The following TFAP2D variants were observed in gnomAD, a reference collection of about 807,000 sequenced individuals.
The protein encoded by TFAP2D is transcription factor AP-2-delta.
Under a neutral mutation model 43.6 loss-of-function variants are expected in TFAP2D, and 9 were observed. The ratio of observed to expected loss-of-function variants is 0.21; its 90% confidence interval spans 0.12 to 0.36. TFAP2D has a LOEUF of 0.36. Among genes scored for constraint, TFAP2D ranks in the 10% least tolerant of loss-of-function variants. TFAP2D has a pLI of 1.00. For synonymous variants in TFAP2D, 256 were observed against 224.9 expected, an observed-to-expected ratio of 1.14 and a Z score of -1.24; for missense variants, 513 against 561.4, an observed-to-expected ratio of 0.91 and a Z score of 0.87.
At chr6:50,751,100 G>A in intron 6 of TFAP2D, 111 bp from the exon 7 acceptor site, 1 of 733,472 alleles carries the variant, frequency 1.4e-6, no homozygotes, top group East Asian at 2.8e-5. Flanking sequence ...TTTATGAAAT[G>A]TTATCTAGAC....
intron 6 of TFAP2D, among the ~76,000 whole-genome samples, chr6:50,746,329 C>A (rs903541110): frequency 6.6e-6 from 1 of 152,008 alleles, no homozygotes; most frequent in Non-Finnish European, 1.5e-5. Context: ...CTCACCCTCC[C>A]CAGGTTCATG....
chr6:50,752,991 C>A (rs1176059330), intron 7 of TFAP2D, among the ~76,000 whole-genome samples: 1 of 151,826 alleles, frequency 6.6e-6, no homozygotes, highest in African/African-American at 2.4e-5. Context: ...GTAAAGGAAG[C>A]ATTTAGTAAA....
At chr6:50,716,799 T>A (rs896424975) in intron 2 of TFAP2D, among the ~76,000 whole-genome samples, 1 of 152,176 alleles carries the variant, frequency 6.6e-6, no homozygotes, top group Non-Finnish European at 1.5e-5. Context: ...TAGGGAAATA[T>A]TCTAAGAACA....
chr6:50,770,482 T>C (rs888238239), intron 7 of TFAP2D, among the ~76,000 whole-genome samples: 19 of 152,228 alleles, frequency 1.2e-4, no homozygotes, highest in African/African-American at 4.1e-4. Context: ...TAACAACCTA[T>C]GGAATAATGA....
rs759507061 is a variant in TFAP2D, at chr6:50,751,333, G to A, written c.1139+9G>A. 6.3e-7 allele frequency: 1 copy of A among 1,592,038 alleles called. No individual in the cohort carries two copies. The highest frequency in any genetic ancestry group is 8.6e-7 in the Non-Finnish European group (1 of 1,161,186). On this transcript the variant is annotated intron_variant, in intron 7 of 7. Transcript: ENST00000008391. ...CATTTAACACATTTCAGGTAAGACTGGTTTTCCAGTTTGCTCAAATTCTTT... is the reference window on the plus strand; with the variant it reads ...CATTTAACACATTTCAGGTAAGACTAGTTTTCCAGTTTGCTCAAATTCTTT...
chr6:50,734,823 C>T (rs1768941416), intron 5 of TFAP2D, among the ~76,000 whole-genome samples: 1 of 152,068 alleles, frequency 6.6e-6, no homozygotes, highest in African/African-American at 2.4e-5. Flanking sequence ...TGGTCTGGCA[C>T]CCATATCTAC....
intron 7 of TFAP2D, among the ~76,000 whole-genome samples, chr6:50,769,193 C>G (rs538464608): frequency 7.9e-5 from 12 of 152,116 alleles, no homozygotes; most frequent in Admixed American, 7.9e-4. Context: ...TGCGCCCAGC[C>G]CTGAAGTGGT....
chr6:50,738,332 G>C (rs1281109289), intron 5 of TFAP2D, among the ~76,000 whole-genome samples: 1 of 134,636 alleles, frequency 7.4e-6, no homozygotes, highest in African/African-American at 2.5e-5. Flanking sequence ...TGGCTGTTAT[G>C]GGTTTTTGTT....
intron 5 of TFAP2D, among the ~76,000 whole-genome samples, chr6:50,730,256 TAG>T (rs1337060067): frequency 6.6e-6 from 1 of 152,104 alleles, no homozygotes; most frequent in Non-Finnish European, 1.5e-5. Flanking sequence ...CACTGAGAAG[TAG>T]TGTGTTCTTG....
intron 7 of TFAP2D, among the ~76,000 whole-genome samples, chr6:50,766,654 CTT>C (rs763018088): frequency 2.6e-4 from 15 of 57,388 alleles, no homozygotes; most frequent in African/African-American, 7.2e-4. Context: ...AGATTGCTTT[CTT>C]TTTTTTTTTT....
At chr6:50,734,505 A>G (rs1561934795) in intron 5 of TFAP2D, among the ~76,000 whole-genome samples, 2 of 152,042 alleles carry the variant, frequency 1.3e-5, no homozygotes, top group Non-Finnish European at 2.9e-5. Flanking sequence ...TTTTATTGTC[A>G]GTGTCTCATT....
intron 3 of TFAP2D, among the ~76,000 whole-genome samples, chr6:50,719,518 C>T (rs1690744952): frequency 6.7e-6 from 1 of 149,042 alleles, no homozygotes; most frequent in Non-Finnish European, 1.5e-5. Flanking sequence ...CTCACACCCT[C>T]TTCCCCCAGC....
intron 7 of TFAP2D, among the ~76,000 whole-genome samples, chr6:50,766,746 G>A (rs1214551266): frequency 1.5e-5 from 2 of 132,740 alleles, no homozygotes; most frequent in South Asian, 2.5e-4. Context: ...TCGGCTCACT[G>A]CAAGCTCCGC....
At chr6:50,733,267 C>A (rs1768918052) in intron 5 of TFAP2D, among the ~76,000 whole-genome samples, 2 of 151,980 alleles carry the variant, frequency 1.3e-5, no homozygotes, top group African/African-American at 4.8e-5. Flanking sequence ...ATTTCTTTTT[C>A]AACTCATATG....
intron 3 of TFAP2D, 139 bp downstream of exon 3, chr6:50,719,289 C>T: frequency 1.1e-6 from 1 of 874,876 alleles, no homozygotes; most frequent in Non-Finnish European, 1.8e-6. Flanking sequence ...TCTAGTCCAA[C>T]ACTGGCATAT....
At position 50,715,562 on chromosome 6, in the gene TFAP2D, C is replaced by G; in HGVS notation, c.486C>G (p.Leu162=). The G allele has an allele frequency of 6.2e-7, 1 of 1,608,358 alleles. No individual in the cohort carries two copies. The highest frequency in any genetic ancestry group is 8.5e-7 in the Non-Finnish European group (1 of 1,177,858). ...SQYGMHPDQR[L]LPGPSLGLAA... is the part of the protein sequence containing the mutation. Reference sequence around the variant, plus strand: ...ATGGAATGCACCCAGATCAAAGACTCCTGCCAGGGCCCAGCCTGGGGCTGG... The same window carrying G: ...ATGGAATGCACCCAGATCAAAGACTGCTGCCAGGGCCCAGCCTGGGGCTGG... Residue 162 remains leucine, a synonymous_variant, in exon 2 of 8, where the codon CTC becomes CTG. Coordinates refer to ENST00000008391, the MANE Select transcript of TFAP2D (RefSeq NM_172238.4).
chr6:50,726,677 C>A (rs529667922), intron 3 of TFAP2D, among the ~76,000 whole-genome samples: 1 of 152,220 alleles, frequency 6.6e-6, no homozygotes, highest in South Asian at 2.1e-4. Context: ...GACTCTACAC[C>A]ACAGATTCAT....
chr6:50,730,140 C>A (rs182895075), intron 5 of TFAP2D, among the ~76,000 whole-genome samples: 1 of 152,234 alleles, frequency 6.6e-6, no homozygotes, highest in African/African-American at 2.4e-5. Flanking sequence ...TTACTTCATA[C>A]ATCCATTATT....
At position 50,772,640 on chromosome 6, in the gene TFAP2D, T is replaced by C. The variant is rs1425184913; in HGVS notation, c.1140-5T>C. ...CTCTTTTTTCCTATCACTTCTCATTTCCAGTTTGATCACTCATGGCTTTGG... is the reference window on the plus strand; with the variant it reads ...CTCTTTTTTCCTATCACTTCTCATTCCCAGTTTGATCACTCATGGCTTTGG... On this transcript the variant is annotated splice_region_variant and splice_polypyrimidine_tract_variant and intron_variant, in intron 7 of 7. Coordinates refer to ENST00000008391, the MANE Select transcript of TFAP2D (RefSeq NM_172238.4). The C allele has an allele frequency of 1.2e-6, 2 of 1,613,402 alleles. No homozygotes were observed. Among genetic ancestry groups the C allele is most frequent in the Admixed American group, 1.7e-5 (1 of 60,002 alleles).
Sources: gnomAD v4.1 joint callset for allele counts (sites outside exome capture counted in the v4.1 genomes callset) on GRCh38, gnomAD v4.1.1 for gene constraint, MANE v1.5 for transcripts, NCBI Gene and HGNC (gene_info 2026-07-23, HGNC 2026-07-21) for gene names.